Variants in ESRRG observed in about 807,000 individuals in gnomAD.
The protein encoded by ESRRG is estrogen related receptor gamma.
ESRRG carries 13 observed loss-of-function variants against 44.0 expected under a neutral mutation model. The observed-to-expected ratio is 0.30, with a 90% CI of 0.19 to 0.47. ESRRG has a LOEUF of 0.47. Ranked by LOEUF, ESRRG falls within the 20% of genes least tolerant of loss-of-function variation. ESRRG has a pLI of 1.00. For missense variants in ESRRG, 395 were observed against 580.6 expected, an observed-to-expected ratio of 0.68 and a Z score of 3.29; for synonymous variants, 215 against 214.6, an observed-to-expected ratio of 1.00 and a Z score of -0.02.
chr1:216,876,561 T>C (rs1282086058), intron 2 of ESRRG, among the ~76,000 whole-genome samples: 1 of 150,788 alleles, frequency 6.6e-6, no homozygotes, highest in Admixed American at 6.6e-5. Flanking sequence ...ATCTACTTTT[T>C]ATTTGTTTTT....
intron 2 of ESRRG, among the ~76,000 whole-genome samples, chr1:216,793,259 T>C (rs7355008): frequency 0.76 from 115,821 of 152,016 alleles, 44,617 homozygotes; most frequent in African/African-American, 0.88. Flanking sequence ...ATGATTCCCC[T>C]ATCCTGGTAT....
intron 1 of ESRRG, among the ~76,000 whole-genome samples, chr1:216,990,947 A>G (rs1190500797): frequency 6.6e-6 from 1 of 151,866 alleles, no homozygotes; most frequent in African/African-American, 2.4e-5. Context: ...CTGCCCCCCA[A>G]CCCCACCCCA....
chr1:216,737,889 C>G (rs190252587), intron 2 of ESRRG, among the ~76,000 whole-genome samples: 15 of 152,000 alleles, frequency 9.9e-5, no homozygotes, highest in Admixed American at 4.6e-4. Context: ...AGAAAATATT[C>G]GTCCTTACAT....
chr1:216,798,273 T>C (rs2094526591), intron 2 of ESRRG, among the ~76,000 whole-genome samples: 1 of 152,142 alleles, frequency 6.6e-6, no homozygotes, highest in African/African-American at 2.4e-5. Flanking sequence ...CAAAGGCTTG[T>C]AATAGTGCCA....
intron 1 of ESRRG, among the ~76,000 whole-genome samples, chr1:216,952,072 A>C (rs2067058133): frequency 6.6e-6 from 1 of 152,134 alleles, no homozygotes; most frequent in African/African-American, 2.4e-5. Flanking sequence ...TGATGGCCAC[A>C]TCTGATCAAT....
chr1:216,836,147 T>A (rs1252246461), intron 2 of ESRRG, among the ~76,000 whole-genome samples: 2 of 151,376 alleles, frequency 1.3e-5, no homozygotes, highest in East Asian at 3.9e-4. Context: ...GAAACCTATA[T>A]TTTTATCATT....
chr1:216,532,388 A>G (rs1004179703), intron 5 of ESRRG, among the ~76,000 whole-genome samples: 2 of 152,186 alleles, frequency 1.3e-5, no homozygotes, highest in African/African-American at 4.8e-5. Context: ...AGTGACCGCT[A>G]AACAGAGCTG....
Position 217,014,303 on chromosome 1 carries a change from C to T in ESRRG, c.-105-74630G>A, listed in dbSNP as rs2079040505. ...CATTGCAGAGACTAAGGCTTTATTT[C>T]CTACTCTTCTTTTGTCAGGCAAAGG... On this transcript the variant is annotated intron_variant, in intron 1 of 7. Coordinates refer to the ESRRG transcript ENST00000359162. 2.6e-5 allele frequency among the ~76,000 whole-genome samples: 4 copies of T among 151,936 alleles called. No homozygotes were observed. The South Asian group carries it at 6.2e-4, about 24-fold the overall frequency.
intron 2 of ESRRG, among the ~76,000 whole-genome samples, chr1:216,860,903 T>C (rs530627470): frequency 1.5e-4 from 23 of 152,180 alleles, no homozygotes; most frequent in Middle Eastern, 3.4e-3. Flanking sequence ...ATAACGACAA[T>C]GTAGTGTGGG....
At chr1:217,032,487 A>G (rs1002484033) in intron 1 of ESRRG, among the ~76,000 whole-genome samples, 3 of 152,214 alleles carry the variant, frequency 2.0e-5, no homozygotes, top group African/African-American at 4.8e-5. Flanking sequence ...TGTCCATAAG[A>G]TGGATTTTTT....
chr1:216,923,334 T>TTAAC (rs1311927698), intron 2 of ESRRG, among the ~76,000 whole-genome samples: 1 of 152,216 alleles, frequency 6.6e-6, no homozygotes, highest in African/African-American at 2.4e-5. Flanking sequence ...AAAGGCTTAA[T>TTAAC]TAACATGCCT....
At chr1:216,619,303 G>T (rs2061855962) in intron 3 of ESRRG, among the ~76,000 whole-genome samples, 1 of 152,120 alleles carries the variant, frequency 6.6e-6, no homozygotes, top group African/African-American at 2.4e-5. Flanking sequence ...AAAACAAAAT[G>T]TCAAATGATG....
intron 2 of ESRRG, among the ~76,000 whole-genome samples, chr1:216,903,063 A>G (rs947300464): frequency 2.0e-5 from 3 of 152,180 alleles, no homozygotes; most frequent in Admixed American, 6.5e-5. Context: ...ATAATTGTAT[A>G]CATGTGTTTG....
chr1:217,051,711 G>C (rs2086072221), intron 1 of ESRRG, among the ~76,000 whole-genome samples: 1 of 152,094 alleles, frequency 6.6e-6, no homozygotes, highest in Non-Finnish European at 1.5e-5. Flanking sequence ...CAGATGAATG[G>C]CCATATGCAA....
chr1:216,791,131 A>G (rs758910919), intron 2 of ESRRG, among the ~76,000 whole-genome samples: 5 of 152,150 alleles, frequency 3.3e-5, no homozygotes, highest in Non-Finnish European at 5.9e-5. Flanking sequence ...ATTTTCCCCA[A>G]CCAAATCTCA....
chr1:217,119,089 A>G (rs1156638115), intron 1 of ESRRG, among the ~76,000 whole-genome samples: 1 of 152,220 alleles, frequency 6.6e-6, no homozygotes, highest in Non-Finnish European at 1.5e-5. Flanking sequence ...ATTTCAAGAA[A>G]ACAATAAAGA....
chr1:216,856,391 T>A (rs866414467), intron 2 of ESRRG, among the ~76,000 whole-genome samples: 5 of 103,498 alleles, frequency 4.8e-5, no homozygotes, highest in East Asian at 4.3e-4. Flanking sequence ...ACACACACAC[T>A]TGGAACGAAC....
rs1448674020 is a variant in ESRRG at position 216,651,160 on chromosome 1, T to C, written c.473-71A>G. The C allele has an allele frequency of 7.2e-6, 7 of 967,232 alleles. No homozygotes were observed. The Admixed American group carries it at 1.2e-4, about 16-fold the overall frequency. The allele number at this position is 967,232 out of a possible 1,614,324, so 59.9% of individuals were successfully genotyped here. A position where few individuals can be genotyped will look rare whatever the true frequency, so the allele number is the denominator to read the frequency against. On this transcript the variant is annotated intron_variant, in intron 2 of 6. Coordinates refer to ENST00000408911, the MANE Select transcript of ESRRG (RefSeq NM_001438.4). ...GGAAACATTAGCTTCCCAAAGGCAA[T>C]GTCAACTCTATTATTCTTACTCTCC...
chr1:217,001,090 ACT>A (rs1579302918), intron 1 of ESRRG, among the ~76,000 whole-genome samples: 1 of 152,212 alleles, frequency 6.6e-6, no homozygotes, highest in Non-Finnish European at 1.5e-5. Flanking sequence ...CTGCTTTTTA[ACT>A]CTGAGTGAAA....
Sources: gnomAD v4.1 joint callset for allele counts (sites outside exome capture counted in the v4.1 genomes callset) on GRCh38, gnomAD v4.1.1 for gene constraint, MANE v1.5 for transcripts, NCBI Gene and HGNC (gene_info 2026-07-23, HGNC 2026-07-21) for gene names.